Variants in ACVR2A observed in about 807,000 individuals in gnomAD.
ACVR2A encodes the protein activin receptor type-2A.
Under a neutral mutation model 61.4 loss-of-function variants are expected in ACVR2A, and 7 were observed. That is an observed-to-expected ratio of 0.11 (90% confidence interval 0.06 to 0.21). The LOEUF (loss-of-function observed/expected upper bound fraction) is 0.21. Among genes scored for constraint, ACVR2A ranks in the 10% least tolerant of loss-of-function variants. The pLI is 1.00. For synonymous variants in ACVR2A, 193 were observed against 208.3 expected (o/e 0.93, Z 0.63); for missense variants, 322 against 621.7 (o/e 0.52, Z 5.13).
chr2:147,869,620 A>C (rs1325669643), intron 1 of ACVR2A, among the ~76,000 whole-genome samples: 1 of 152,224 alleles, frequency 6.6e-6, no homozygotes, highest in East Asian at 1.9e-4. Flanking sequence ...CTCTAGTTGA[A>C]GGGAGAATTC....
At chr2:147,909,762 C>T (rs1003916372) in intron 4 of ACVR2A, among the ~76,000 whole-genome samples, 3 of 152,078 alleles carry the variant, frequency 2.0e-5, no homozygotes, top group African/African-American at 7.2e-5. Flanking sequence ...CTCAGACATC[C>T]GAGTAGCTGG....
chr2:147,863,575 G>A (rs934625856), intron 1 of ACVR2A, among the ~76,000 whole-genome samples: 5 of 151,936 alleles, frequency 3.3e-5, no homozygotes, highest in Admixed American at 2.0e-4. Context: ...ATGTTTTATT[G>A]TATTCTTACA....
chr2:147,870,612 ACT>A (rs1685989940), intron 1 of ACVR2A, among the ~76,000 whole-genome samples: 1 of 152,108 alleles, frequency 6.6e-6, no homozygotes, highest in Non-Finnish European at 1.5e-5. Flanking sequence ...GTATGCAGTA[ACT>A]CTGAATATCA....
Position 147,926,176 on chromosome 2 carries a change from T to G in ACVR2A, c.1347+15T>G, listed in dbSNP as rs1399991345. 2 of 1,594,964 alleles carry G rather than the reference T, an allele frequency of 1.3e-6. No homozygotes were observed. Among genetic ancestry groups the G allele is most frequent in the East Asian group, 4.5e-5 (2 of 44,732 alleles). ...AGAAACATGCTGTAAGTTATCCAGT[T>G]AGCTTTTCATTTGAAATTCCAATAA... On this transcript the variant is annotated intron_variant, in intron 10 of 10. Coordinates refer to ENST00000241416, the MANE Select transcript of ACVR2A (RefSeq NM_001616.5).
chr2:147,876,589 C>G lies in ACVR2A; in HGVS notation c.56-19712C>G, dbSNP rs1558799501. ...ATAATTCTCATCAGCCTATCACTGTCATTCACTTCATCAGAATTACAAGGG... is the reference window on the plus strand; with the variant it reads ...ATAATTCTCATCAGCCTATCACTGTGATTCACTTCATCAGAATTACAAGGG... On this transcript the variant is annotated intron_variant, in intron 1 of 10. Coordinates refer to ENST00000241416, the MANE Select transcript of ACVR2A (RefSeq NM_001616.5). Among the ~76,000 whole-genome samples, 5 of 152,310 alleles carry G rather than the reference C, an allele frequency of 3.3e-5. No individual in the cohort carries two copies. In the South Asian group the frequency reaches 8.3e-4, roughly 25 times the overall value.
chr2:147,919,475 T>A (rs1409169041), intron 7 of ACVR2A, among the ~76,000 whole-genome samples: 1 of 152,156 alleles, frequency 6.6e-6, no homozygotes, highest in Non-Finnish European at 1.5e-5. Context: ...TAAGATCGAT[T>A]AGCTTTTATA....
intron 1 of ACVR2A, among the ~76,000 whole-genome samples, chr2:147,880,210 T>A (rs576416372): frequency 9.0e-4 from 137 of 152,086 alleles, no homozygotes; most frequent in Non-Finnish European, 1.3e-3. Context: ...TTTTTTATTT[T>A]AAAAAAAATT....
At chr2:147,896,934 T>C (rs1270473341) in intron 2 of ACVR2A, 1 of 157,356 alleles carries the variant, frequency 6.4e-6, no homozygotes, top group Non-Finnish European at 1.4e-5. Flanking sequence ...CTGGAAGAAA[T>C]TGATCTTACT....
intron 4 of ACVR2A, among the ~76,000 whole-genome samples, chr2:147,910,641 T>C (rs1687090481): frequency 6.6e-6 from 1 of 152,148 alleles, no homozygotes. Context: ...CCATCATCCA[T>C]TGGAGGAATT....
chr2:147,863,915 A>G (rs1022217475), intron 1 of ACVR2A, among the ~76,000 whole-genome samples: 2 of 152,224 alleles, frequency 1.3e-5, no homozygotes, highest in Non-Finnish European at 2.9e-5. Context: ...TTCAAAGTAA[A>G]TGCATCTTCT....
At chr2:147,901,795 G>A (rs1686876623) in intron 4 of ACVR2A, among the ~76,000 whole-genome samples, 1 of 151,978 alleles carries the variant, frequency 6.6e-6, no homozygotes, top group African/African-American at 2.4e-5. Context: ...TTGTGGAAAA[G>A]GGGCATTGTC....
intron 1 of ACVR2A, among the ~76,000 whole-genome samples, chr2:147,857,937 G>A (rs557942710): frequency 5.5e-4 from 84 of 152,204 alleles, no homozygotes; most frequent in African/African-American, 1.9e-3. Flanking sequence ...CAGGTATTAA[G>A]CCTAGTACTC....
intron 9 of ACVR2A, among the ~76,000 whole-genome samples, chr2:147,924,145 CAG>C (rs1471624252): frequency 6.6e-6 from 1 of 151,970 alleles, no homozygotes; most frequent in Non-Finnish European, 1.5e-5. Context: ...GTTAAGAACG[CAG>C]AGTGTTTTGA....
At chr2:147,898,443 G>A (rs965475898) in intron 2 of ACVR2A, 2 of 151,980 alleles carry the variant, frequency 1.3e-5, no homozygotes, top group Non-Finnish European at 2.9e-5. Context: ...TTTATAAATT[G>A]TTAAAATTTA....
At chr2:147,848,757 T>C (rs1685379420) in intron 1 of ACVR2A, among the ~76,000 whole-genome samples, 1 of 152,064 alleles carries the variant, frequency 6.6e-6, no homozygotes, top group South Asian at 2.1e-4. Flanking sequence ...CAAACCCCAT[T>C]ATACGAGTTT....
intron 1 of ACVR2A, among the ~76,000 whole-genome samples, chr2:147,850,699 A>G (rs971202395): frequency 6.6e-6 from 1 of 152,140 alleles, no homozygotes; most frequent in East Asian, 1.9e-4. Context: ...GGAATAGTGT[A>G]TAGAGGAAGG....
rs374966134 is a variant in ACVR2A, at chr2:147,899,840, C to T, written c.470C>T (p.Ala157Val). ...TTAATTGCGGGGATTGTCATTTGTG[C>T]ATTTTGGGTGTACAGGCATCACAAG... ...LMLIAGIVIC[A>V]FWVYRHHKMA... Residue 157 changes from alanine to valine, a missense_variant, in exon 4 of 11, where the codon GCA becomes GTA. Ala to Val is a moderately conservative substitution (Grantham distance 64, BLOSUM62 0). This residue lies in a region of ACVR2A where 142 missense variants were observed against 200.3 expected (regional missense o/e 0.71). Transcript: ENST00000241416. 2 of 1,613,608 alleles carry T rather than the reference C, an allele frequency of 1.2e-6. No homozygotes were observed. The highest frequency in any genetic ancestry group is 2.7e-5 in the African/African-American group (2 of 74,874).
At position 147,928,879 on chromosome 2, in the gene ACVR2A, G is replaced by A. The variant is rs1399344244; in HGVS notation, c.*1605G>A. The stretch of plus-strand genomic sequence containing the variant: ...ATCAACAAATAGCCAGTATTATGCT[G>A]TGTATTTCTGTCAGGTCATTTTAAA... On this transcript the variant is annotated 3_prime_UTR_variant, in exon 11 of 11. Transcript: ENST00000241416. 6.6e-6 allele frequency: 1 copy of A among 152,358 alleles called. No homozygotes were observed. Among genetic ancestry groups the A allele is most frequent in the African/African-American group, 2.4e-5 (1 of 41,406 alleles). 9.4% of individuals were successfully genotyped at this position (152,358 alleles called of 1,614,324 possible).
intron 4 of ACVR2A, among the ~76,000 whole-genome samples, chr2:147,900,909 A>G (rs776258127): frequency 2.6e-5 from 4 of 152,064 alleles, no homozygotes; most frequent in Admixed American, 6.6e-5. Flanking sequence ...CTTTATTTAT[A>G]TAACACATTT....
Sources: allele counts gnomAD v4.1 joint callset (sites outside exome capture counted in the v4.1 genomes callset), GRCh38; gene constraint gnomAD v4.1.1; regional missense constraint gnomAD v4.1.1; transcripts MANE v1.5; gene names NCBI Gene and HGNC (gene_info 2026-07-23, HGNC 2026-07-21).